Variants in GSX2 observed in about 807,000 individuals in gnomAD.
GSX2 encodes GS homeobox 2, also known as genetic-screened homeobox 2.
In GSX2, 16 loss-of-function variants were observed where a neutral mutation model predicts 19.2. The ratio of observed to expected loss-of-function variants is 0.84; its 90% confidence interval spans 0.57 to 1.27. The LOEUF (loss-of-function observed/expected upper bound fraction) is 1.27, where lower values mean the gene tolerates loss of function less well. Ranked by LOEUF, GSX2 falls within the 50% of genes most tolerant of loss-of-function variation. The pLI, the probability that GSX2 is intolerant of heterozygous loss-of-function variation, is 0.00. For missense variants in GSX2, 448 were observed against 428.4 expected (o/e 1.05, Z -0.40); for synonymous variants, 217 against 196.4 (o/e 1.10, Z -0.88).
Position 54,102,022 on chromosome 4 carries a change from C to A in GSX2, c.*100C>A. The stretch of plus-strand genomic sequence containing the variant: ...AGAATCCTTGCTCATTGCAGTGGTC[C>A]CATCTGGAGAAGAAACGAACCTGGA... On this transcript the variant is annotated 3_prime_UTR_variant, in exon 2 of 2. Transcript: ENST00000326902. 1 of 1,041,190 alleles carries A rather than the reference C, an allele frequency of 9.6e-7. No homozygotes were observed. Among genetic ancestry groups the A allele is most frequent in the Non-Finnish European group, 1.4e-6 (1 of 727,496 alleles). 64.5% of individuals were successfully genotyped at this position (1,041,190 alleles called of 1,614,324 possible). A position where few individuals can be genotyped will look rare whatever the true frequency, so the allele number is the denominator to read the frequency against.
rs1223389152 is a variant in GSX2, at chr4:54,100,716, T to G, written c.372T>G (p.His124Gln). The G allele has an allele frequency of 2.6e-6, 4 of 1,548,360 alleles. No homozygotes were observed. The highest frequency in any genetic ancestry group is 2.6e-6 in the Non-Finnish European group (3 of 1,146,026). Residue 124 changes from histidine (H) to glutamine (Q), a missense_variant, in exon 1 of 2, where the codon CAT becomes CAG. Coordinates refer to ENST00000326902, the MANE Select transcript of GSX2 (RefSeq NM_133267.3). Reference sequence around the variant, plus strand: ...CGCAGTTTTGCCCGCGGGTGAACCATGCGCATCATCACCACCACCCGCCGC... The same window carrying G: ...CGCAGTTTTGCCCGCGGGTGAACCAGGCGCATCATCACCACCACCCGCCGC... ...GDAQFCPRVN[H>Q]AHHHHHPPQH...
In GSX2 at chr4:54,100,539, C is replaced by A. The variant is rs1270605666; in HGVS notation, c.195C>A (p.Val65=). The A allele has an allele frequency of 6.2e-7, 1 of 1,610,560 alleles. No homozygotes were observed. Residue 65 remains valine, a synonymous_variant, in exon 1 of 2, where the codon GTC becomes GTA. Coordinates refer to ENST00000326902, the MANE Select transcript of GSX2 (RefSeq NM_133267.3). ...SGAFCVCPLC[V]TSHLHSSRGS... ...CGTTCTGCGTGTGCCCTCTCTGCGTCACTTCGCACCTGCACTCCTCTCGGG... is the reference window on the plus strand; with the variant it reads ...CGTTCTGCGTGTGCCCTCTCTGCGTAACTTCGCACCTGCACTCCTCTCGGG...
rs1718155016 is a variant in GSX2 at position 54,100,731 on chromosome 4, C to T, written c.387C>T (p.His129=). ...CPRVNHAHHH[H]HPPQHHHHHH... ...GGGTGAACCATGCGCATCATCACCA[C>T]CACCCGCCGCAGCACCACCATCACC... The change falls in exon 1 of 2, where the codon CAC becomes CAT. Residue 129 remains histidine (H), a synonymous_variant. Coordinates refer to ENST00000326902, the MANE Select transcript of GSX2 (RefSeq NM_133267.3). The T allele has an allele frequency of 6.5e-7, 1 of 1,547,632 alleles. No individual in the cohort carries two copies. The highest frequency in any genetic ancestry group is 8.7e-7 in the Non-Finnish European group (1 of 1,145,602).
chr4:54,100,299 G>A lies in GSX2; in HGVS notation c.-46G>A. ...AGAGCTTAGAACACTAGAGGAGAGG[G>A]GTCGCCGCGAACTGCCGGGGCTTCC... On this transcript the variant is annotated 5_prime_UTR_variant, in exon 1 of 2. Transcript: ENST00000326902. 4.4e-6 allele frequency: 7 copies of A among 1,603,552 alleles called. No homozygotes were observed. The highest frequency in any genetic ancestry group is 5.9e-6 in the Non-Finnish European group (7 of 1,177,822).
In GSX2 at chr4:54,101,873, C is replaced by A. The variant is rs1285781345; in HGVS notation, c.866C>A (p.Ser289Tyr). 6.2e-7 allele frequency: 1 copy of A among 1,613,148 alleles called. No individual in the cohort carries two copies. The highest frequency in any genetic ancestry group is 8.5e-7 in the Non-Finnish European group (1 of 1,179,208). ...VHYARSEDEDSLSPASANDDK... is the reference protein window; with the variant it reads ...VHYARSEDEDYLSPASANDDK... ...TACGCGCGCTCCGAGGATGAGGACT[C>A]CCTGTCGCCGGCCTCAGCCAACGAT... is the stretch of plus-strand genomic sequence containing the variant. Residue 289 changes from serine to tyrosine, a missense_variant, in exon 2 of 2, where the codon TCC becomes TAC. Physicochemically the swap from Ser to Tyr is moderately radical, Grantham distance 144. Coordinates refer to ENST00000326902, the MANE Select transcript of GSX2 (RefSeq NM_133267.3). The surrounding 1 kb of genome is among the most constrained non-coding windows in gnomAD (Gnocchi z 5.0).
In GSX2 at chr4:54,102,233, G is replaced by A. The variant is rs1353148053; in HGVS notation, c.*311G>A. 4 of 272,550 alleles carry A rather than the reference G, an allele frequency of 1.5e-5. No homozygotes were observed. In the East Asian group the frequency reaches 2.2e-4, roughly 15 times the overall value. The allele number at this position is 272,550 out of a possible 1,614,324, so 16.9% of individuals were successfully genotyped here. A position where few individuals can be genotyped will look rare whatever the true frequency, so the allele number is the denominator to read the frequency against. On this transcript the variant is annotated 3_prime_UTR_variant, in exon 2 of 2. Transcript: ENST00000326902. ...AAGTTTAACACTGTATGGGGTTTTT[G>A]AAAGCACATGTCAGTTCCCCATCCC...
At position 54,100,571 on chromosome 4, in the gene GSX2, T is replaced by C; in HGVS notation, c.227T>C (p.Val76Ala). ...TSHLHSSRGS[V>A]GAGSGGAGAG... ...CACCTGCACTCCTCTCGGGGGTCTG[T>C]GGGCGCCGGCAGCGGGGGCGCAGGG... Residue 76 changes from valine (V) to alanine (A), a missense_variant, in exon 1 of 2, where the codon GTG becomes GCG. Transcript: ENST00000326902. The C allele has an allele frequency of 6.3e-7, 1 of 1,580,764 alleles. No homozygotes were observed. The highest frequency in any genetic ancestry group is 8.6e-7 in the Non-Finnish European group (1 of 1,164,962).
chr4:54,101,796 C>T lies in GSX2; in HGVS notation c.789C>T (p.Gly263=), dbSNP rs1025792146. 1.9e-6 allele frequency: 3 copies of T among 1,614,224 alleles called. No individual in the cohort carries two copies. Among genetic ancestry groups the T allele is most frequent in the Non-Finnish European group, 2.5e-6 (3 of 1,180,036 alleles). Residue 263 remains glycine, a synonymous_variant, in exon 2 of 2, where the codon GGC becomes GGT. Transcript: ENST00000326902. This position sits in a 1 kb window ranked among gnomAD's most constrained non-coding sequence, Gnocchi z 5.0. ...TGAAGCACAAGAAGGAGGGGAAGGG[C>T]ACGCAGAGGAACAGTCACGCGGGCT... ...RRVKHKKEGK[G]TQRNSHAGCK... is the part of the protein sequence containing the mutation.
chr4:54,101,649 C>T lies in GSX2; in HGVS notation c.642C>T (p.Leu214=), dbSNP rs760968631. The change falls in exon 2 of 2, where the codon CTC becomes CTT. Residue 214 remains leucine, a synonymous_variant. Transcript: ENST00000326902. The surrounding 1 kb of genome is among the most constrained non-coding windows in gnomAD (Gnocchi z 5.0). ...GGACGGCGTTCACTAGCACGCAACT[C>T]CTGGAGCTGGAGAGAGAATTCTCTT... The part of the protein sequence containing the change: ...RMRTAFTSTQ[L]LELEREFSSN... 4 of 1,614,034 alleles carry T rather than the reference C, an allele frequency of 2.5e-6. No homozygotes were observed. The highest frequency in any genetic ancestry group is 3.4e-6 in the Non-Finnish European group (4 of 1,180,010).
Position 54,101,902 on chromosome 4 carries a change from A to T in GSX2, c.895A>T (p.Lys299Ter). Residue 299 changes from lysine to a stop codon, truncating the protein, a stop_gained, in exon 2 of 2, where the codon AAG becomes TAG. Coordinates refer to ENST00000326902, the MANE Select transcript of GSX2 (RefSeq NM_133267.3). LOFTEE classifies it high-confidence loss of function. This position sits in a 1 kb window ranked among gnomAD's most constrained non-coding sequence, Gnocchi z 5.0. Reference sequence around the variant, plus strand: ...GTCGCCGGCCTCAGCCAACGATGACAAGGAGATTTCCCCCTTATGAGGGAG... The same window carrying T: ...GTCGCCGGCCTCAGCCAACGATGACTAGGAGATTTCCCCCTTATGAGGGAG... ...SLSPASANDD[K>*]EISPL is the part of the protein sequence containing the mutation. The T allele has an allele frequency of 6.2e-7, 1 of 1,608,352 alleles. No homozygotes were observed. Among genetic ancestry groups the T allele is most frequent in the African/African-American group, 1.3e-5 (1 of 74,990 alleles).
Position 54,101,950 on chromosome 4 carries a change from G to A in GSX2, c.*28G>A, listed in dbSNP as rs1418927447. 6 of 1,515,936 alleles carry A rather than the reference G, an allele frequency of 4.0e-6. No homozygotes were observed. Among genetic ancestry groups the A allele is most frequent in the East Asian group, 4.7e-5 (2 of 42,140 alleles). 93.9% of individuals were successfully genotyped at this position (1,515,936 alleles called of 1,614,324 possible). On this transcript the variant is annotated 3_prime_UTR_variant, in exon 2 of 2. Coordinates refer to ENST00000326902, the MANE Select transcript of GSX2 (RefSeq NM_133267.3). The surrounding 1 kb of genome is among the most constrained non-coding windows in gnomAD (Gnocchi z 5.0). The stretch of plus-strand genomic sequence containing the variant: ...GAGGGCCTCCTCCCTCACATCCCCC[G>A]CTCCTGGCAGACCAGGCAACGCCAA...
In GSX2 at chr4:54,102,067, C is replaced by T. The variant is rs1262063093; in HGVS notation, c.*145C>T. On this transcript the variant is annotated 3_prime_UTR_variant, in exon 2 of 2. Coordinates refer to ENST00000326902, the MANE Select transcript of GSX2 (RefSeq NM_133267.3). Reference sequence around the variant, plus strand: ...CCTGGAAGTTCTGGAATGGACAAGCCGGGACCTGACCCTTCGCGTCTCCTT... The same window carrying T: ...CCTGGAAGTTCTGGAATGGACAAGCTGGGACCTGACCCTTCGCGTCTCCTT... The T allele has an allele frequency of 7.5e-6, 5 of 669,938 alleles. No homozygotes were observed. The highest frequency in any genetic ancestry group is 1.3e-5 in the Non-Finnish European group (5 of 398,074). The allele number at this position is 669,938 out of a possible 1,614,324, so 41.5% of individuals were successfully genotyped here.
At position 54,102,137 on chromosome 4, in the gene GSX2, T is replaced by C; in HGVS notation, c.*215T>C. On this transcript the variant is annotated 3_prime_UTR_variant, in exon 2 of 2. Coordinates refer to ENST00000326902, the MANE Select transcript of GSX2 (RefSeq NM_133267.3). ...ACTCCAACTTGAAGTTACAGATTTT[T>C]TTAAAAAATGTAAATAACCTATAAT... 2 of 550,680 alleles carry C rather than the reference T, an allele frequency of 3.6e-6. No individual in the cohort carries two copies. The highest frequency in any genetic ancestry group is 6.4e-6 in the Non-Finnish European group (2 of 313,460). The allele number at this position is 550,680 out of a possible 1,614,324, so 34.1% of individuals were successfully genotyped here.
chr4:54,100,616 G>C lies in GSX2; in HGVS notation c.272G>C (p.Gly91Ala), dbSNP rs542267886. The C allele has an allele frequency of 6.4e-7, 1 of 1,554,298 alleles. No homozygotes were observed. The highest frequency in any genetic ancestry group is 8.7e-7 in the Non-Finnish European group (1 of 1,149,846). Residue 91 changes from glycine (G) to alanine (A), a missense_variant, in exon 1 of 2, where the codon GGA (glycine) becomes GCA (alanine). By Grantham distance (60) the Gly-to-Ala change is moderately conservative. Transcript: ENST00000326902. ...GCAGGGGCCGGGGTTACCGGGGCCG[G>C]AGGCAGTGGGGTGGCAGGGGCCGCA... ...GGAGAGVTGAGGSGVAGAAGA... is the reference protein window; with the variant it reads ...GGAGAGVTGAAGSGVAGAAGA...
chr4:54,101,787 G>A lies in GSX2; in HGVS notation c.780G>A (p.Glu260=). ...FQNRRVKHKK[E]GKGTQRNSHA... ...ACCGCCGAGTGAAGCACAAGAAGGAGGGGAAGGGCACGCAGAGGAACAGTC... is the reference window on the plus strand; with the variant it reads ...ACCGCCGAGTGAAGCACAAGAAGGAAGGGAAGGGCACGCAGAGGAACAGTC... The change falls in exon 2 of 2, where the codon GAG becomes GAA. Residue 260 remains glutamate (E), a synonymous_variant. Coordinates refer to ENST00000326902, the MANE Select transcript of GSX2 (RefSeq NM_133267.3). The surrounding 1 kb of genome is among the most constrained non-coding windows in gnomAD (Gnocchi z 5.0). 6.2e-7 allele frequency: 1 copy of A among 1,614,272 alleles called. No individual in the cohort carries two copies. Among genetic ancestry groups the A allele is most frequent in the South Asian group, 1.1e-5 (1 of 91,090 alleles).
Position 54,100,591 on chromosome 4 carries a change from G to T in GSX2, c.247G>T (p.Ala83Ser), listed in dbSNP as rs1318726250. Residue 83 changes from alanine to serine, a missense_variant, in exon 1 of 2, where the codon GCA becomes TCA. Ala to Ser is a moderately conservative substitution (Grantham distance 99, BLOSUM62 1). Transcript: ENST00000326902. Reference sequence around the variant, plus strand: ...GTCTGTGGGCGCCGGCAGCGGGGGCGCAGGGGCCGGGGTTACCGGGGCCGG... The same window carrying T: ...GTCTGTGGGCGCCGGCAGCGGGGGCTCAGGGGCCGGGGTTACCGGGGCCGG... ...RGSVGAGSGG[A>S]GAGVTGAGGS... 3.2e-6 allele frequency: 5 copies of T among 1,568,786 alleles called. No individual in the cohort carries two copies. The highest frequency in any genetic ancestry group is 4.3e-6 in the Non-Finnish European group (5 of 1,158,534).
In GSX2 at chr4:54,102,006, G is replaced by T. The variant is rs1718185694; in HGVS notation, c.*84G>T. The T allele has an allele frequency of 2.6e-6, 3 of 1,158,904 alleles. No individual in the cohort carries two copies. Among genetic ancestry groups the T allele is most frequent in the Non-Finnish European group, 3.6e-6 (3 of 829,634 alleles). The allele number at this position is 1,158,904 out of a possible 1,614,324, so 71.8% of individuals were successfully genotyped here. ...GGGGCACCCAGGGGCCAGAATCCTT[G>T]CTCATTGCAGTGGTCCCATCTGGAG... On this transcript the variant is annotated 3_prime_UTR_variant, in exon 2 of 2. Transcript: ENST00000326902.
Position 54,101,673 on chromosome 4 carries a change from T to C in GSX2, c.666T>C (p.Ser222=), listed in dbSNP as rs749553724. Residue 222 remains serine, a synonymous_variant, in exon 2 of 2, where the codon TCT becomes TCC. Transcript: ENST00000326902. The surrounding 1 kb of genome is among the most constrained non-coding windows in gnomAD (Gnocchi z 5.0). ...TCCTGGAGCTGGAGAGAGAATTCTCTTCCAACATGTACCTGTCTCGACTCC... is the reference window on the plus strand; with the variant it reads ...TCCTGGAGCTGGAGAGAGAATTCTCCTCCAACATGTACCTGTCTCGACTCC... The part of the protein sequence containing the change: ...TQLLELEREF[S]SNMYLSRLRR... 5.0e-6 allele frequency: 8 copies of C among 1,613,208 alleles called. No individual in the cohort carries two copies. The highest frequency in any genetic ancestry group is 1.6e-4 in the Middle Eastern group (1 of 6,080).
In GSX2 at chr4:54,101,835, G is replaced by A; in HGVS notation, c.828G>A (p.Gly276=). 1 of 1,614,210 alleles carries A rather than the reference G, an allele frequency of 6.2e-7. No individual in the cohort carries two copies. The highest frequency in any genetic ancestry group is 8.5e-7 in the Non-Finnish European group (1 of 1,180,038). ...GTCACGCGGGCTGCAAGTGCGTCGG[G>A]AGCCAGGTGCACTACGCGCGCTCCG... ...RNSHAGCKCV[G]SQVHYARSED... is the part of the protein sequence containing the mutation. The change falls in exon 2 of 2, where the codon GGG becomes GGA. Residue 276 remains glycine (G), a synonymous_variant. Transcript: ENST00000326902. This position sits in a 1 kb window ranked among gnomAD's most constrained non-coding sequence, Gnocchi z 5.0.
Sources: gnomAD v4.1 joint callset for allele counts on GRCh38, gnomAD v4.1.1 for gene constraint, Gnocchi (gnomAD v3.1) non-coding constraint, MANE v1.5 for transcripts, NCBI Gene and HGNC (gene_info 2026-07-23, HGNC 2026-07-21) for gene names.